The following POM121 variants were observed in gnomAD, a reference collection of about 807,000 sequenced individuals.
POM121 encodes nuclear envelope pore membrane protein POM 121.
POM121 carries 32 observed loss-of-function variants against 81.3 expected under a neutral mutation model. The observed-to-expected ratio is 0.39, with a 90% CI of 0.30 to 0.53. The LOEUF (loss-of-function observed/expected upper bound fraction) is 0.53, where lower values mean the gene tolerates loss of function less well. POM121 is among the 20% of genes least tolerant of loss of function. The pLI, the probability that POM121 is intolerant of heterozygous loss-of-function variation, is 0.66. For synonymous variants in POM121, 514 were observed against 694.2 expected, an observed-to-expected ratio of 0.74 and a Z score of 4.08; for missense variants, 1,138 against 1,614.6, an observed-to-expected ratio of 0.70 and a Z score of 5.06.
In POM121 at chr7:72,903,099, C is replaced by G. The variant is rs116695046; in HGVS notation, c.-215-10666C>G. Reference sequence around the variant, plus strand: ...TGGAGTCAGGCACAGTGATTCACATCTATAATACCTTTTCCCCCCAAAAAG... The same window carrying G: ...TGGAGTCAGGCACAGTGATTCACATGTATAATACCTTTTCCCCCCAAAAAG... On this transcript the variant is annotated intron_variant, in intron 3 of 15. Coordinates refer to the POM121 transcript ENST00000395270. 6.8e-3 allele frequency among the ~76,000 whole-genome samples: 1,038 copies of G among 151,992 alleles called. 15 individuals are homozygous for G. The highest frequency in any genetic ancestry group is 0.024 in the African/African-American group (1,011 of 41,464).
At chr7:72,908,377 A>T (rs1383538748) in intron 3 of POM121, among the ~76,000 whole-genome samples, 1 of 152,226 alleles carries the variant, frequency 6.6e-6, no homozygotes, top group East Asian at 1.9e-4. Flanking sequence ...GTCTATGACT[A>T]GGGTGTGGGT....
At position 72,930,118 on chromosome 7, in the gene POM121, G is replaced by A. The variant is rs782653614; in HGVS notation, c.1275+7G>A. Reference sequence around the variant, plus strand: ...CACTCGAGGCATCTCACAGGTACAAGTACAGCTCTTTTAATGTGGGGGACA... The same window carrying A: ...CACTCGAGGCATCTCACAGGTACAAATACAGCTCTTTTAATGTGGGGGACA... On this transcript the variant is annotated splice_region_variant and intron_variant, in intron 5 of 12. Transcript: ENST00000434423. 6.9e-6 allele frequency: 11 copies of A among 1,597,042 alleles called. No individual in the cohort carries two copies. Among genetic ancestry groups the A allele is most frequent in the Non-Finnish European group, 9.4e-6 (11 of 1,168,218 alleles).
Position 72,943,393 on chromosome 7 carries a change from A to G in POM121, c.3400A>G (p.Ser1134Gly). ...AGCTTTCAGCTTTGGAGCAGGACAG[A>G]GTGGGAGCACAGCCACCTCCACCCC... is the stretch of plus-strand genomic sequence containing the variant. ...TGAFSFGAGQSGSTATSTPFA... is the reference protein window; with the variant it reads ...TGAFSFGAGQGGSTATSTPFA... Residue 1134 changes from serine (S) to glycine (G), a missense_variant, in exon 11 of 13, where the codon AGT becomes GGT. Around this residue, in one of 7 missense-constraint regions of POM121, gnomAD observed 336 missense variants for 344.3 expected, o/e 0.98. Coordinates refer to ENST00000434423, the MANE Select transcript of POM121 (RefSeq NM_001387691.1). The G allele has an allele frequency of 6.2e-7, 1 of 1,613,332 alleles. No individual in the cohort carries two copies. Among genetic ancestry groups the G allele is most frequent in the South Asian group, 1.1e-5 (1 of 91,004 alleles).
rs1310696527 is a variant in POM121, at chr7:72,926,450, C to T, written c.833C>T (p.Pro278Leu). The change falls in exon 2 of 13, where the codon CCT (proline) becomes CTT (leucine). Residue 278 changes from proline to leucine, a missense_variant. Around this residue, in one of 7 missense-constraint regions of POM121, gnomAD observed 646 missense variants for 633.5 expected, o/e 1.02. Coordinates refer to ENST00000434423, the MANE Select transcript of POM121 (RefSeq NM_001387691.1). ...CSPVTVRIAP[P>L]DRRFSRSAIP... ...CCAGTGACTGTGAGGATCGCCCCTC[C>T]TGACAGAAGATTTTCGCGTTCTGCG... The T allele has an allele frequency of 1.2e-6, 2 of 1,614,032 alleles. No homozygotes were observed. The highest frequency in any genetic ancestry group is 1.7e-6 in the Non-Finnish European group (2 of 1,179,884).
chr7:72,896,776 T>A (rs1226606453), intron 3 of POM121, among the ~76,000 whole-genome samples: 1 of 152,110 alleles, frequency 6.6e-6, no homozygotes, highest in Non-Finnish European at 1.5e-5. Flanking sequence ...CATTTCCTAC[T>A]TCTATTAGAA....
At chr7:72,899,745 A>AT (rs1792399443) in intron 3 of POM121, among the ~76,000 whole-genome samples, 2 of 151,494 alleles carry the variant, frequency 1.3e-5, no homozygotes, top group South Asian at 4.2e-4. Flanking sequence ...CGCCCGGCTA[A>AT]TTTTTTTCTA....
In POM121 at chr7:72,938,608, C is replaced by T. The variant is rs1554499991; in HGVS notation, c.1294C>T (p.Pro432Ser). 1.9e-6 allele frequency: 3 copies of T among 1,613,770 alleles called. No individual in the cohort carries two copies. Among genetic ancestry groups the T allele is most frequent in the Non-Finnish European group, 2.5e-6 (3 of 1,179,806 alleles). Residue 432 changes from proline (P) to serine (S), a missense_variant, in exon 6 of 13, where the codon CCC becomes TCC. Physicochemically the swap from Pro to Ser is moderately conservative, Grantham distance 74. Around this residue, in one of 7 missense-constraint regions of POM121, gnomAD observed 646 missense variants for 633.5 expected, o/e 1.02. Transcript: ENST00000434423. Reference sequence around the variant, plus strand: ...TTTTTAGCTCTGGAAGAGAAATGGCCCCAGTTCATCACCCTTCTCTAGCCC... The same window carrying T: ...TTTTTAGCTCTGGAAGAGAAATGGCTCCAGTTCATCACCCTTCTCTAGCCC... ...GISQLWKRNG[P>S]SSSPFSSPAS...
At chr7:72,887,776 G>A (rs1268036195) in intron 1 of POM121, among the ~76,000 whole-genome samples, 4 of 152,154 alleles carry the variant, frequency 2.6e-5, no homozygotes, top group Non-Finnish European at 2.9e-5. Context: ...GCAGTGAGCC[G>A]AGATTGTGCC....
chr7:72,891,239 T>G lies in POM121; in HGVS notation c.-216+129T>G, dbSNP rs11763328. ...AACCCCCAAATATCACTTTCCTTCC[T>G]GCACACATACATGAACTCTTTTGTT... On this transcript the variant is annotated intron_variant, in intron 3 of 15. Transcript: ENST00000395270. The G allele has an allele frequency of 9.5e-6, 5 of 526,062 alleles. No homozygotes were observed. The Admixed American group carries it at 1.7e-4, about 18-fold the overall frequency. The allele number at this position is 526,062 out of a possible 1,614,324, so 32.6% of individuals were successfully genotyped here. A position where few individuals can be genotyped will look rare whatever the true frequency, so the allele number is the denominator to read the frequency against.
intron 3 of POM121, among the ~76,000 whole-genome samples, chr7:72,901,804 A>G (rs1792676436): frequency 6.7e-6 from 1 of 150,126 alleles, no homozygotes; most frequent in Non-Finnish European, 1.5e-5. Flanking sequence ...CACCCAGTCC[A>G]TATACCATTT....
At chr7:72,920,545 G>A (rs556748590), upstream of POM121, among the ~76,000 whole-genome samples, 11 of 151,858 alleles carry the variant, frequency 7.2e-5, no homozygotes, top group East Asian at 3.9e-4. Flanking sequence ...TAGTAGAGAC[G>A]GGGTTTCACC....
chr7:72,949,569 C>T (rs1554504356), downstream of POM121: 3 of 709,696 alleles, frequency 4.2e-6, no homozygotes, highest in Non-Finnish European at 7.5e-6. Context: ...ACACAGACAA[C>T]CAGAACATGC....
chr7:72,950,004 G>A (rs1161987386), downstream of POM121: 2 of 1,546,974 alleles, frequency 1.3e-6, no homozygotes, highest in Non-Finnish European at 1.8e-6. Flanking sequence ...GAGACCCCAG[G>A]CTAGGCCCTT....
intron 3 of POM121, among the ~76,000 whole-genome samples, chr7:72,897,244 T>G (rs190679691): frequency 8.0e-4 from 122 of 152,258 alleles, no homozygotes; most frequent in African/African-American, 2.8e-3. Context: ...TGAGAAGTGA[T>G]TACTTTTTAT....
chr7:72,914,264 C>G (rs1176563190), intron 4 of POM121, among the ~76,000 whole-genome samples: 1 of 152,166 alleles, frequency 6.6e-6, no homozygotes, highest in African/African-American at 2.4e-5. Flanking sequence ...AATGAAGATG[C>G]CTCTAAATGA....
chr7:72,883,156 C>T (rs1372335425), intron 1 of POM121, among the ~76,000 whole-genome samples: 1 of 152,210 alleles, frequency 6.6e-6, no homozygotes, highest in African/African-American at 2.4e-5. Flanking sequence ...CCTCTTGCCT[C>T]AGCCTCCTGC....
In POM121 at chr7:72,900,990, G is replaced by GTT. The variant is rs543838439; in HGVS notation, c.-216+9890_-216+9891dup. Among the ~76,000 whole-genome samples, 7 of 142,020 alleles carry GTT rather than the reference G, an allele frequency of 4.9e-5. No individual in the cohort carries two copies. In the South Asian group the frequency reaches 6.7e-4, roughly 14 times the overall value. The allele number at this position is 142,020 out of a possible 152,430, so 93.2% of individuals were successfully genotyped here. Reference sequence around the variant, plus strand: ...TTGGCTGCATCTCACAGAATTTGGCGTTTTTTTTTTTAAGAGATGGCATCT... The same window carrying GTT: ...TTGGCTGCATCTCACAGAATTTGGCGTTTTTTTTTTTTTAAGAGATGGCATCT... On this transcript the variant is annotated intron_variant, in intron 3 of 15. Transcript: ENST00000395270.
At chr7:72,891,435 C>T (rs1336990480) in intron 3 of POM121, among the ~76,000 whole-genome samples, 1 of 152,098 alleles carries the variant, frequency 6.6e-6, no homozygotes, top group Non-Finnish European at 1.5e-5. Flanking sequence ...GAGACGGAGT[C>T]TTGTTCTGTC....
chr7:72,909,800 A>G (rs782536681), intron 3 of POM121, among the ~76,000 whole-genome samples: 8 of 152,114 alleles, frequency 5.3e-5, no homozygotes, highest in African/African-American at 1.2e-4. Context: ...GGTACACACT[A>G]CCATGCCCAG....
Sources: allele counts gnomAD v4.1 joint callset (sites outside exome capture counted in the v4.1 genomes callset), GRCh38; gene constraint gnomAD v4.1.1; regional missense constraint gnomAD v4.1.1; transcripts MANE v1.5; gene names NCBI Gene and HGNC (gene_info 2026-07-23, HGNC 2026-07-21).